Variants in GK5 observed in about 807,000 individuals in gnomAD.
GK5 encodes ATP:glycerol 3-phosphotransferase 5.
GK5 carries 39 observed loss-of-function variants against 77.3 expected under a neutral mutation model. The observed-to-expected ratio is 0.50, with a 90% CI of 0.39 to 0.66. The LOEUF is 0.66. Ranked by LOEUF, GK5 falls within the 30% of genes least tolerant of loss-of-function variation. GK5 has a pLI of 0.00. For synonymous variants in GK5, 211 were observed against 208.0 expected, an observed-to-expected ratio of 1.01 and a Z score of -0.13; for missense variants, 487 against 633.8, an observed-to-expected ratio of 0.77 and a Z score of 2.49.
At chr3:142,224,694 T>C (rs1019030933) in intron 1 of GK5, among the ~76,000 whole-genome samples, 8 of 152,122 alleles carry the variant, frequency 5.3e-5, no homozygotes, top group African/African-American at 1.9e-4. Context: ...CCAATACCTC[T>C]AATATCCACG....
intron 1 of GK5, among the ~76,000 whole-genome samples, chr3:142,221,737 A>C (rs979377006): frequency 6.6e-6 from 1 of 152,200 alleles, no homozygotes; most frequent in Non-Finnish European, 1.5e-5. Flanking sequence ...TCAAATGTTC[A>C]TATGTGGAGT....
chr3:142,170,558 T>C, intron 14 of GK5, 100 bp from the exon 15 acceptor site: 1 of 980,854 alleles, frequency 1.0e-6, no homozygotes, highest in Non-Finnish European at 1.5e-6. Flanking sequence ...TTTTATTTTA[T>C]AAATTTTACT....
intron 1 of GK5, among the ~76,000 whole-genome samples, chr3:142,218,166 A>C (rs1442060152): frequency 2.0e-5 from 3 of 151,752 alleles, no homozygotes; most frequent in African/African-American, 7.3e-5. Context: ...GTACAGGGGC[A>C]ATTCCATGGA....
At chr3:142,171,516 A>G in intron 13 of GK5, 38 bp from the exon 14 acceptor site, 2 of 1,273,460 alleles carry the variant, frequency 1.6e-6, no homozygotes, top group Admixed American at 2.8e-5. Context: ...TAAGAAATTC[A>G]TATCATAATA....
intron 9 of GK5, chr3:142,185,682 T>C (rs767444758): frequency 2.9e-6 from 4 of 1,366,634 alleles, no homozygotes; most frequent in Non-Finnish European, 3.8e-6. Flanking sequence ...TGATAAACAA[T>C]ATACAAGCAA....
intron 14 of GK5, 141 bp downstream of exon 14, chr3:142,171,278 A>G (rs1379205370): frequency 1.4e-6 from 1 of 740,180 alleles, no homozygotes; most frequent in African/African-American, 1.8e-5. Context: ...TGAAGGAGCT[A>G]AGCAGAAATT....
chr3:142,205,146 G>C (rs1461365705), intron 3 of GK5, among the ~76,000 whole-genome samples: 1 of 152,122 alleles, frequency 6.6e-6, no homozygotes, highest in Non-Finnish European at 1.5e-5. Flanking sequence ...ACCTACAGAA[G>C]AGCTGAAATA....
At chr3:142,171,128 T>C (rs1047659108) in intron 14 of GK5, among the ~76,000 whole-genome samples, 1 of 151,968 alleles carries the variant, frequency 6.6e-6, no homozygotes. Context: ...CTACTCGGGA[T>C]AGTGAGGCAT....
rs879542929 is a variant in GK5 at position 142,203,570 on chromosome 3, C to T, written c.411+1125G>A. Among the ~76,000 whole-genome samples the T allele has an allele frequency of 2.6e-5, 4 of 152,074 alleles. No individual in the cohort carries two copies. The East Asian group carries it at 7.7e-4, about 29-fold the overall frequency. ...CAGGCGGATCATCAGGTCAGGAGAT[C>T]GAGACCATCCTGACTAACACGGTGA... is the stretch of plus-strand genomic sequence containing the variant. On this transcript the variant is annotated intron_variant, in intron 4 of 15. Coordinates refer to ENST00000392993, the MANE Select transcript of GK5 (RefSeq NM_001039547.3).
intron 3 of GK5, 62 bp from the exon 4 acceptor site, chr3:142,204,850 G>T: frequency 1.1e-6 from 1 of 942,440 alleles, no homozygotes; most frequent in Non-Finnish European, 1.6e-6. Context: ...TTAAAGATGT[G>T]CCATAAGAGA....
intron 1 of GK5, among the ~76,000 whole-genome samples, chr3:142,223,649 G>C (rs1371667159): frequency 1.3e-5 from 2 of 152,182 alleles, no homozygotes. Context: ...GACCAGCCTG[G>C]CCAACATGGC....
At chr3:142,201,047 A>C (rs924874062) in intron 4 of GK5, among the ~76,000 whole-genome samples, 1 of 152,244 alleles carries the variant, frequency 6.6e-6, no homozygotes, top group African/African-American at 2.4e-5. Flanking sequence ...ATGGGAAAGT[A>C]AATGGTATAG....
At chr3:142,202,028 G>C (rs545310595) in intron 4 of GK5, among the ~76,000 whole-genome samples, 2 of 152,122 alleles carry the variant, frequency 1.3e-5, no homozygotes, top group Non-Finnish European at 2.9e-5. Flanking sequence ...ATCCAGCCAC[G>C]ATGGCAGAGA....
In GK5 at chr3:142,185,913, C is replaced by A. The variant is rs1015131111; in HGVS notation, c.816+16G>T. 3 of 1,595,202 alleles carry A rather than the reference C, an allele frequency of 1.9e-6. No homozygotes were observed. Among genetic ancestry groups the A allele is most frequent in the African/African-American group, 1.3e-5 (1 of 74,156 alleles). On this transcript the variant is annotated intron_variant, in intron 9 of 15. Transcript: ENST00000392993. ...TTTATACTATACAAAGGGAATCCCT[C>A]AAGTTTCCTACTTACCAAGGCAACT... is the stretch of plus-strand genomic sequence containing the variant.
At chr3:142,180,255 C>G (rs1040606889) in intron 11 of GK5, among the ~76,000 whole-genome samples, 2 of 152,120 alleles carry the variant, frequency 1.3e-5, no homozygotes, top group Admixed American at 6.5e-5. Flanking sequence ...GCAACCAAAA[C>G]TCAAAGATGA....
intron 5 of GK5, among the ~76,000 whole-genome samples, chr3:142,193,960 C>T (rs1191999512): frequency 2.6e-5 from 4 of 151,916 alleles, no homozygotes; most frequent in African/African-American, 7.3e-5. Context: ...AGGCTGGTCT[C>T]GAAATCCTGA....
Position 142,164,451 on chromosome 3 carries a change from G to T in GK5, c.*1171C>A, listed in dbSNP as rs1454953279. On this transcript the variant is annotated 3_prime_UTR_variant, in exon 16 of 16. Coordinates refer to ENST00000392993, the MANE Select transcript of GK5 (RefSeq NM_001039547.3). ...CTTAGGACAATTCTACATCCAGCTT[G>T]ACACTACTCACGACTTACTCCTCCT... is the stretch of plus-strand genomic sequence containing the variant. The T allele has an allele frequency of 6.6e-6, 1 of 152,188 alleles. No homozygotes were observed. The highest frequency in any genetic ancestry group is 2.4e-5 in the African/African-American group (1 of 41,454). 9.4% of individuals were successfully genotyped at this position (152,188 alleles called of 1,614,324 possible).
chr3:142,201,206 C>T (rs1282747068), intron 4 of GK5, among the ~76,000 whole-genome samples: 1 of 152,010 alleles, frequency 6.6e-6, no homozygotes, highest in Non-Finnish European at 1.5e-5. Context: ...TTTGTAATAG[C>T]CAAAAACTGG....
intron 1 of GK5, among the ~76,000 whole-genome samples, chr3:142,223,620 C>A (rs1429574792): frequency 6.6e-6 from 1 of 152,252 alleles, no homozygotes; most frequent in African/African-American, 2.4e-5. Flanking sequence ...AGGCGGTTCA[C>A]CTGAGGTCAA....
Sources: allele counts gnomAD v4.1 joint callset (sites outside exome capture counted in the v4.1 genomes callset), GRCh38; gene constraint gnomAD v4.1.1; transcripts MANE v1.5; gene names NCBI Gene and HGNC (gene_info 2026-07-23, HGNC 2026-07-21).